TRPM1: variants seen among roughly 807,000 people sequenced by gnomAD.
TRPM1 encodes TRPM1-203 APA Isoform, Intron 10.
In TRPM1, 113 loss-of-function variants were observed where a neutral mutation model predicts 149.4. That is an observed-to-expected ratio of 0.76 (90% CI 0.65 to 0.88). The LOEUF (loss-of-function observed/expected upper bound fraction) is 0.88, where lower values mean the gene tolerates loss of function less well. TRPM1 is among the 40% of genes least tolerant of loss of function. TRPM1 has a pLI of 0.00. For missense variants in TRPM1, 1,976 were observed against 2,038.7 expected (o/e 0.97, Z 0.59); for synonymous variants, 741 against 759.5 (o/e 0.98, Z 0.40).
intron 16 of TRPM1, 120 bp from the exon 17 acceptor site, chr15:31,042,363 A>G: frequency 9.9e-7 from 1 of 1,012,154 alleles, no homozygotes; most frequent in Non-Finnish European, 1.5e-6. Context: ...TCTGAAGTAC[A>G]TCTTACATTT....
intron 27 of TRPM1, among the ~76,000 whole-genome samples, chr15:31,016,148 T>C (rs1302508693): frequency 2.6e-5 from 4 of 152,218 alleles, no homozygotes; most frequent in African/African-American, 9.7e-5. Flanking sequence ...TTAGGCATGA[T>C]TTAATTAGAT....
intron 26 of TRPM1, 131 bp from the exon 27 acceptor site, chr15:31,026,402 T>G (rs2032757558): frequency 1.8e-6 from 2 of 1,111,274 alleles, no homozygotes; most frequent in South Asian, 2.7e-5. Flanking sequence ...TCGCCACTAC[T>G]CCAATTGATT....
chr15:31,079,542 A>G (rs995331003), intron 2 of TRPM1, among the ~76,000 whole-genome samples: 1 of 152,272 alleles, frequency 6.6e-6, no homozygotes, highest in Non-Finnish European at 1.5e-5. Flanking sequence ...GCAAAACAGA[A>G]GCCAGGTCTC....
intron 27 of TRPM1, among the ~76,000 whole-genome samples, chr15:31,003,855 G>GT (rs1555415222): frequency 0.063 from 9,070 of 145,022 alleles, 374 homozygotes; most frequent in Admixed American, 0.14. Flanking sequence ...CCTGCTATTA[G>GT]TTTTTTTTTT....
At chr15:31,059,614 C>T (rs997671909) in intron 11 of TRPM1, among the ~76,000 whole-genome samples, 5 of 152,024 alleles carry the variant, frequency 3.3e-5, no homozygotes, top group Non-Finnish European at 7.4e-5. Flanking sequence ...ACTATGTTGA[C>T]CAGGTTGGTC....
intron 27 of TRPM1, among the ~76,000 whole-genome samples, chr15:31,005,469 C>T (rs7182547): frequency 0.25 from 37,327 of 151,984 alleles, 4,947 homozygotes; most frequent in Non-Finnish European, 0.29. Context: ...CTCCTCTCCC[C>T]TCCCCTCTGC....
At position 31,026,169 on chromosome 15, in the gene TRPM1, C is replaced by G; in HGVS notation, c.3599G>C (p.Ser1200Thr). ...AGAAGTGACCCGGATGCGCTCGTCG[C>G]TGGACGACTGCTGCTCATCCTCCTT... ...REKEDEQQSSSDERIRVTSER... is the reference protein window; with the variant it reads ...REKEDEQQSSTDERIRVTSER... The change falls in exon 27 of 28, where the codon AGC becomes ACC. Residue 1200 changes from serine (S) to threonine (T), a missense_variant. This residue lies in a region of TRPM1 where 572 missense variants were observed against 578.9 expected (regional missense o/e 0.99). Coordinates refer to ENST00000256552, the MANE Select transcript of TRPM1 (RefSeq NM_001252024.2). 1 of 1,612,270 alleles carries G rather than the reference C, an allele frequency of 6.2e-7. No individual in the cohort carries two copies. The highest frequency in any genetic ancestry group is 8.5e-7 in the Non-Finnish European group (1 of 1,180,032).
chr15:31,070,167 C>T lies in TRPM1; in HGVS notation c.143G>A (p.Ser48Asn), dbSNP rs774693436. The change falls in exon 4 of 28, where the codon AGC becomes AAC. Residue 48 changes from serine (S) to asparagine (N), a missense_variant. Physicochemically the swap from Ser to Asn is conservative, Grantham distance 46. Transcript: ENST00000256552. The part of the protein sequence containing the change: ...HIPPLPSATP[S>N]KNEEESKQVE... The stretch of plus-strand genomic sequence containing the variant: ...CTGTTTGCTTTCCTCTTCATTTTTG[C>T]TGGGTGTTGCACTTGGCAGAGGGGG... The T allele has an allele frequency of 6.2e-7, 1 of 1,614,078 alleles. No individual in the cohort carries two copies. Among genetic ancestry groups the T allele is most frequent in the Non-Finnish European group, 8.5e-7 (1 of 1,179,980 alleles).
chr15:31,091,536 G>A (rs1010539773), intron 1 of TRPM1, among the ~76,000 whole-genome samples: 7 of 152,334 alleles, frequency 4.6e-5, no homozygotes, highest in East Asian at 3.9e-4. Context: ...GGAAGGGCAC[G>A]GAGGGGCACT....
At chr15:31,124,608 C>T (rs566050880) in intron 1 of TRPM1, among the ~76,000 whole-genome samples, 23 of 146,204 alleles carry the variant, frequency 1.6e-4, no homozygotes, top group South Asian at 4.3e-4. Flanking sequence ...GACCCAAGAT[C>T]GCACCATCGT....
intron 1 of TRPM1, among the ~76,000 whole-genome samples, chr15:31,089,070 T>C (rs2035129868): frequency 6.6e-6 from 1 of 152,200 alleles, no homozygotes; most frequent in South Asian, 2.1e-4. Flanking sequence ...AAGTAACATT[T>C]AATGCCATAT....
intron 1 of TRPM1, among the ~76,000 whole-genome samples, chr15:31,113,027 G>A (rs551804565): frequency 6.6e-6 from 1 of 152,340 alleles, no homozygotes; most frequent in East Asian, 1.9e-4. Context: ...CCGTGTTGGA[G>A]CAATCTGCTT....
intron 1 of TRPM1, among the ~76,000 whole-genome samples, chr15:31,127,579 G>C (rs2035966709): frequency 6.6e-6 from 1 of 152,210 alleles, no homozygotes; most frequent in Admixed American, 6.5e-5. Flanking sequence ...GGGTTCCACT[G>C]TCGTTCTCAA....
At chr15:31,064,741 G>A (rs2034323097) in intron 7 of TRPM1, among the ~76,000 whole-genome samples, 1 of 152,152 alleles carries the variant, frequency 6.6e-6, no homozygotes, top group African/African-American at 2.4e-5. Context: ...TCCATGAGGT[G>A]TTTCTACAGT....
Position 31,070,160 on chromosome 15 carries a change from A to C in TRPM1, c.150T>G (p.Asn50Lys), listed in dbSNP as rs1567032936. 1 of 1,613,990 alleles carries C rather than the reference A, an allele frequency of 6.2e-7. No individual in the cohort carries two copies. Among genetic ancestry groups the C allele is most frequent in the Middle Eastern group, 1.7e-4 (1 of 6,054 alleles). ...TCTCCACCTGTTTGCTTTCCTCTTC[A>C]TTTTTGCTGGGTGTTGCACTTGGCA... The part of the protein sequence containing the change: ...PPLPSATPSK[N>K]EEESKQVETQ... Residue 50 changes from asparagine (N) to lysine (K), a missense_variant, in exon 4 of 28, where the codon AAT (asparagine) becomes AAG (lysine). Around this residue, in one of 3 missense-constraint regions of TRPM1, gnomAD observed 1,332 missense variants for 1,347.1 expected, o/e 0.99. Transcript: ENST00000256552.
chr15:31,066,916 GT>G (rs1303051520), intron 6 of TRPM1, 146 bp downstream of exon 6: 7 of 1,064,742 alleles, frequency 6.6e-6, no homozygotes, highest in Non-Finnish European at 9.8e-6. Flanking sequence ...TTGCATTATG[GT>G]TTTGCAAGAT....
Position 31,027,032 on chromosome 15 carries a change from G to T in TRPM1, c.3379C>A (p.Pro1127Thr), listed in dbSNP as rs753949535. The T allele has an allele frequency of 6.2e-7, 1 of 1,614,122 alleles. No homozygotes were observed. The highest frequency in any genetic ancestry group is 1.7e-5 in the Admixed American group (1 of 60,010). ...ATGATCATCGGTGGGGGCAGGACTG[G>T]CCTGTCATGAAATGTCATAATCAGC... Reference protein sequence around the residue: ...YQLIMTFHDRPVLPPPMIILS... With the variant: ...YQLIMTFHDRTVLPPPMIILS... Residue 1127 changes from proline (P) to threonine (T), a missense_variant, in exon 26 of 28, where the codon CCA becomes ACA. By Grantham distance (38) the Pro-to-Thr change is conservative (BLOSUM62 -1). This residue lies in a region of TRPM1 where 72 missense variants were observed against 112.7 expected (regional missense o/e 0.64). Transcript: ENST00000256552.
At chr15:31,084,183 G>A (rs1441073586) in intron 1 of TRPM1, among the ~76,000 whole-genome samples, 1 of 152,064 alleles carries the variant, frequency 6.6e-6, no homozygotes, top group Non-Finnish European at 1.5e-5. Flanking sequence ...ATTTTTCTTT[G>A]TACTTTCTTT....
At chr15:31,030,790 A>G (rs976016915) in intron 23 of TRPM1, among the ~76,000 whole-genome samples, 193 bp downstream of exon 23, 5 of 152,246 alleles carry the variant, frequency 3.3e-5, no homozygotes, top group Admixed American at 1.3e-4. Context: ...TTTTTAGAAT[A>G]AAAGAAATGA....
Sources: allele counts gnomAD v4.1 joint callset (sites outside exome capture counted in the v4.1 genomes callset), GRCh38; gene constraint gnomAD v4.1.1; regional missense constraint gnomAD v4.1.1; transcripts MANE v1.5; gene names NCBI Gene and HGNC (gene_info 2026-07-23, HGNC 2026-07-21).